Variants in ZNF517 observed in about 807,000 individuals in gnomAD.
ZNF517 encodes the protein zinc finger protein 517.
A neutral mutation model predicts 12.1 loss-of-function variants in ZNF517; 12 were observed. The ratio of observed to expected loss-of-function variants is 0.99; its 90% confidence interval spans 0.63 to 1.61. ZNF517 has a LOEUF of 1.61. Ranked by LOEUF, ZNF517 falls within the 40% of genes most tolerant of loss-of-function variation. The pLI, the probability that ZNF517 is intolerant of heterozygous loss-of-function variation, is 0.00. For synonymous variants in ZNF517, 388 were observed against 310.2 expected (o/e 1.25, Z -2.63); for missense variants, 781 against 693.2 (o/e 1.13, Z -1.42).
intron 1 of ZNF517, 79 bp downstream of exon 1, chr8:144,799,016 C>T (rs1259750460): frequency 2.0e-5 from 3 of 152,294 alleles, no homozygotes; most frequent in Admixed American, 6.5e-5. Context: ...GCTGTAGCCC[C>T]CGCAGTGGGC....
At position 144,808,239 on chromosome 8, in the gene ZNF517, G is replaced by T; in HGVS notation, c.1323G>T (p.Glu441Asp). The change falls in exon 5 of 5, where the codon GAG (glutamate) becomes GAT (aspartate). Residue 441 changes from glutamate to aspartate, a missense_variant. By Grantham distance (45) the Glu-to-Asp change is conservative. Transcript: ENST00000359971. ...TCCGCAGGAGCTACACGCTGAACGA[G>T]CACTACCGGCTCCACAGCGGCGAGA... is the stretch of plus-strand genomic sequence containing the variant. ...KAFRRSYTLN[E>D]HYRLHSGERP... is the part of the protein sequence containing the mutation. 1 of 1,601,100 alleles carries T rather than the reference G, an allele frequency of 6.2e-7. No individual in the cohort carries two copies.
At chr8:144,805,238 CTCTTG>C (rs1185919477) in intron 4 of ZNF517, among the ~76,000 whole-genome samples, 2 of 152,256 alleles carry the variant, frequency 1.3e-5, no homozygotes, top group African/African-American at 2.4e-5. Context: ...GAGGCTCACA[CTCTTG>C]TCTTCTGGTC....
chr8:144,800,654 G>A (rs1416123471), intron 1 of ZNF517: 3 of 985,262 alleles, frequency 3.0e-6, no homozygotes, highest in African/African-American at 3.5e-5. Context: ...TGGGGGCTGG[G>A]TGGGGGTGGT....
Position 144,803,535 on chromosome 8 carries a change from G to A in ZNF517, c.34-106G>A, listed in dbSNP as rs546407022. ...TCTGCTGGGCCCTGTGGATGCAGCAGTGGGCAGCAAGGAGAGAGGCCTCTA... is the reference window on the plus strand; with the variant it reads ...TCTGCTGGGCCCTGTGGATGCAGCAATGGGCAGCAAGGAGAGAGGCCTCTA... On this transcript the variant is annotated intron_variant, in intron 2 of 4. Transcript: ENST00000359971. The A allele has an allele frequency of 2.0e-3, 3,023 of 1,480,766 alleles. 19 individuals carry two copies. The highest frequency in any genetic ancestry group is 7.2e-3 in the South Asian group (566 of 78,860). The allele number at this position is 1,480,766 out of a possible 1,614,324, so 91.7% of individuals were successfully genotyped here. A position where few individuals can be genotyped will look rare whatever the true frequency, so the allele number is the denominator to read the frequency against.
chr8:144,799,526 A>C (rs1826841248), intron 1 of ZNF517, among the ~76,000 whole-genome samples: 1 of 152,254 alleles, frequency 6.6e-6, no homozygotes, highest in African/African-American at 2.4e-5. Context: ...TGTAACAGGC[A>C]ATAACGCAGC....
Position 144,808,198 on chromosome 8 carries a change from G to C in ZNF517, c.1282G>C (p.Glu428Gln). Residue 428 changes from glutamate to glutamine, a missense_variant, in exon 5 of 5, where the codon GAG becomes CAG. Physicochemically the swap from Glu to Gln is conservative, Grantham distance 29 (BLOSUM62 2). Transcript: ENST00000359971. ...CAAGGAGAAGCCCTTCGCGTGCACC[G>C]AGTGCGGCAAGGCGTTCCGCAGGAG... ...HTKEKPFACTECGKAFRRSYT... is the reference protein window; with the variant it reads ...HTKEKPFACTQCGKAFRRSYT... 6.2e-7 allele frequency: 1 copy of C among 1,609,390 alleles called. No homozygotes were observed. The highest frequency in any genetic ancestry group is 1.1e-5 in the South Asian group (1 of 90,690).
chr8:144,812,890 C>T (rs775330123), downstream of ZNF517, among the ~76,000 whole-genome samples: 1 of 152,114 alleles, frequency 6.6e-6, no homozygotes, highest in Non-Finnish European at 1.5e-5. Flanking sequence ...CAAACAAATT[C>T]AGTAAAGTTG....
At chr8:144,804,312 CCTT>C (rs1035646816) in intron 4 of ZNF517, 74 bp downstream of exon 4, 29 of 1,105,496 alleles carry the variant, frequency 2.6e-5, no homozygotes, top group African/African-American at 2.0e-4. Flanking sequence ...TCTGCAGGTC[CCTT>C]CTTCTACAGT....
In ZNF517 at chr8:144,808,838, C is replaced by CT. The variant is rs951563988; in HGVS notation, c.*444dup. 1 of 156,192 alleles carries CT rather than the reference C, an allele frequency of 6.4e-6. No homozygotes were observed. The highest frequency in any genetic ancestry group is 2.4e-5 in the African/African-American group (1 of 41,608). 9.7% of individuals were successfully genotyped at this position (156,192 alleles called of 1,614,324 possible). On this transcript the variant is annotated 3_prime_UTR_variant, in exon 5 of 5. Transcript: ENST00000359971. ...TCAATTCCAGGTGCTGTAAAGCCGACTAACAGGGTACAGGGAGCCTTAGCT... is the reference window on the plus strand; with the variant it reads ...TCAATTCCAGGTGCTGTAAAGCCGACTTAACAGGGTACAGGGAGCCTTAGCT...
At chr8:144,803,879 G>A (rs939471957) in intron 3 of ZNF517, 112 bp downstream of exon 3, 2 of 1,455,556 alleles carry the variant, frequency 1.4e-6, no homozygotes, top group African/African-American at 2.8e-5. Context: ...GGGGAAGCTG[G>A]AGGCTCCCCA....
At chr8:144,800,958 T>C (rs1826930046) in intron 1 of ZNF517, among the ~76,000 whole-genome samples, 1 of 152,012 alleles carries the variant, frequency 6.6e-6, no homozygotes, top group Non-Finnish European at 1.5e-5. Context: ...GCCTCCCAAG[T>C]AGCTGGGATT....
In ZNF517 at chr8:144,807,673, C is replaced by G. The variant is rs755427968; in HGVS notation, c.757C>G (p.Arg253Gly). The change falls in exon 5 of 5, where the codon CGC becomes GGC. Residue 253 changes from arginine to glycine, a missense_variant. Arg to Gly is a moderately radical substitution (Grantham distance 125). Transcript: ENST00000359971. Reference sequence around the variant, plus strand: ...GAGCACGCAGCTGGCTGCCCACCACCGCGTCCACACCCGCGAGCGGCCCTA... The same window carrying G: ...GAGCACGCAGCTGGCTGCCCACCACGGCGTCCACACCCGCGAGCGGCCCTA... ...RQSTQLAAHH[R>G]VHTRERPYAC... 4 of 1,608,664 alleles carry G rather than the reference C, an allele frequency of 2.5e-6. No individual in the cohort carries two copies. The South Asian group carries it at 4.4e-5, about 18-fold the overall frequency.
intron 1 of ZNF517, among the ~76,000 whole-genome samples, chr8:144,802,314 T>C (rs901623089): frequency 3.9e-5 from 6 of 152,106 alleles, no homozygotes; most frequent in Non-Finnish European, 8.8e-5. Context: ...GAGGCAGAGG[T>C]TGCAGTGAAC....
intron 4 of ZNF517, among the ~76,000 whole-genome samples, 158 bp downstream of exon 4, chr8:144,804,396 A>G (rs1173343648): frequency 2.0e-5 from 3 of 152,172 alleles, no homozygotes; most frequent in Non-Finnish European, 4.4e-5. Flanking sequence ...TGTAGGTCTA[A>G]GGTCAAAACT....
At chr8:144,811,740 C>G (rs1380221774), downstream of ZNF517, among the ~76,000 whole-genome samples, 4 of 131,656 alleles carry the variant, frequency 3.0e-5, no homozygotes, top group African/African-American at 1.2e-4. Context: ...GTGGGAGAGA[C>G]ACGGACAGTA....
chr8:144,808,532 G>A lies in ZNF517; in HGVS notation c.*137G>A. The A allele has an allele frequency of 8.1e-7, 1 of 1,227,736 alleles. No individual in the cohort carries two copies. The allele number at this position is 1,227,736 out of a possible 1,614,324, so 76.1% of individuals were successfully genotyped here. ...AGGGCCAGCTCCCATCAGGAGCTCG[G>A]CTTCTTGCTCCAGCCGGGCACTGGG... is the stretch of plus-strand genomic sequence containing the variant. On this transcript the variant is annotated 3_prime_UTR_variant, in exon 5 of 5. Coordinates refer to ENST00000359971, the MANE Select transcript of ZNF517 (RefSeq NM_213605.3).
At chr8:144,810,359 C>T (rs1827516438), downstream of ZNF517, 2 of 491,362 alleles carry the variant, frequency 4.1e-6, no homozygotes, top group Non-Finnish European at 7.4e-6. Flanking sequence ...AGGCCCACTG[C>T]TCCCCGGGCT....
Position 144,808,718 on chromosome 8 carries a change from A to G in ZNF517, c.*323A>G. ...GAGCAGGGCACAGGGGGCGCCACAG[A>G]CGCATATGCAGCTGAGCTCCCCACA... On this transcript the variant is annotated 3_prime_UTR_variant, in exon 5 of 5. Coordinates refer to ENST00000359971, the MANE Select transcript of ZNF517 (RefSeq NM_213605.3). The G allele has an allele frequency of 4.1e-6, 1 of 244,370 alleles. No individual in the cohort carries two copies. The highest frequency in any genetic ancestry group is 5.6e-5 in the Admixed American group (1 of 17,892). The allele number at this position is 244,370 out of a possible 1,614,324, so 15.1% of individuals were successfully genotyped here.
intron 2 of ZNF517, 23 bp downstream of exon 2, chr8:144,802,970 C>T (rs1486849724): frequency 1.2e-6 from 2 of 1,613,624 alleles, no homozygotes; most frequent in South Asian, 1.1e-5. Flanking sequence ...TGAGCCCGTC[C>T]ATTGCCCCAG....
Sources: gnomAD v4.1 joint callset for allele counts (sites outside exome capture counted in the v4.1 genomes callset) on GRCh38, gnomAD v4.1.1 for gene constraint, MANE v1.5 for transcripts, NCBI Gene and HGNC (gene_info 2026-07-23, HGNC 2026-07-21) for gene names.